Variants in CSMD1 observed in about 807,000 individuals in gnomAD.
The protein encoded by CSMD1 is CUB and Sushi multiple domains 1, also known as CUB and sushi domain-containing protein 1.
In CSMD1, 213 loss-of-function variants were observed where a neutral mutation model predicts 417.5. That is an observed-to-expected ratio of 0.51 (90% CI 0.46 to 0.57). CSMD1 has a LOEUF of 0.57. CSMD1 is among the 20% of genes least tolerant of loss of function. CSMD1 has a pLI of 0.00. For missense variants in CSMD1, 6,923 were observed against 4,529.7 expected (o/e 1.53, Z -15.17); for synonymous variants, 2,862 against 1,736.8 (o/e 1.65, Z -16.11).
chr8:4,220,597 G>C (rs751456688), intron 3 of CSMD1, among the ~76,000 whole-genome samples: 1 of 152,168 alleles, frequency 6.6e-6, no homozygotes, highest in Admixed American at 6.5e-5. Flanking sequence ...GAGTGATAAG[G>C]GTCCATGTGA....
At chr8:3,436,759 T>G (rs969601188) in intron 12 of CSMD1, among the ~76,000 whole-genome samples, 4 of 152,120 alleles carry the variant, frequency 2.6e-5, no homozygotes, top group African/African-American at 9.7e-5. Context: ...TTTTTAGGAG[T>G]AAGGCTTAAA....
At chr8:3,563,930 C>T (rs529475657) in intron 10 of CSMD1, among the ~76,000 whole-genome samples, 2 of 152,120 alleles carry the variant, frequency 1.3e-5, no homozygotes, top group South Asian at 4.2e-4. Flanking sequence ...TATTTTTAAA[C>T]CTATTTTTCA....
chr8:4,588,846 G>A (rs531899650), intron 2 of CSMD1, among the ~76,000 whole-genome samples: 93 of 151,738 alleles, frequency 6.1e-4, no homozygotes, highest in African/African-American at 2.2e-3. Flanking sequence ...TTCACAGGCT[G>A]CTGCTCAAGC....
At chr8:3,024,203 A>C (rs1357815714) in intron 51 of CSMD1, among the ~76,000 whole-genome samples, 2 of 151,946 alleles carry the variant, frequency 1.3e-5, no homozygotes, top group Admixed American at 6.6e-5. Context: ...GCATAGAATG[A>C]AATAAAAATG....
intron 4 of CSMD1, among the ~76,000 whole-genome samples, chr8:4,026,529 A>C (rs1797074039): frequency 6.6e-6 from 1 of 152,230 alleles, no homozygotes; most frequent in South Asian, 2.1e-4. Context: ...GCAAAAAAGC[A>C]ATAAACAATG....
chr8:3,482,739 A>T (rs1817818971), intron 11 of CSMD1, among the ~76,000 whole-genome samples: 1 of 152,216 alleles, frequency 6.6e-6, no homozygotes, highest in South Asian at 2.1e-4. Flanking sequence ...CAGATAATAG[A>T]TCTTGACATA....
At chr8:4,120,833 G>C (rs1011033470) in intron 3 of CSMD1, among the ~76,000 whole-genome samples, 1 of 152,146 alleles carries the variant, frequency 6.6e-6, no homozygotes, top group African/African-American at 2.4e-5. Context: ...CAAAACAAAG[G>C]AGGGAGAAGT....
chr8:4,181,499 A>T (rs953393439), intron 3 of CSMD1, among the ~76,000 whole-genome samples: 3 of 152,128 alleles, frequency 2.0e-5, no homozygotes, highest in Non-Finnish European at 4.4e-5. Context: ...GATGAGCTTT[A>T]AAAAAATCAC....
intron 10 of CSMD1, among the ~76,000 whole-genome samples, chr8:3,552,183 G>C (rs891096129): frequency 8.5e-5 from 13 of 152,148 alleles, no homozygotes; most frequent in Admixed American, 7.2e-4. Flanking sequence ...TGCACAAACA[G>C]AGTACTGTCT....
rs531459191 is a variant in CSMD1 at position 4,361,710 on chromosome 8, C to A, written c.415+58243G>T. Among the ~76,000 whole-genome samples the A allele has an allele frequency of 3.3e-5, 5 of 151,840 alleles. No individual in the cohort carries two copies. The South Asian group carries it at 1.0e-3, about 31-fold the overall frequency. On this transcript the variant is annotated intron_variant, in intron 3 of 69. Transcript: ENST00000635120. ...TTGGCTCACGCCTGTAATCCCAACA[C>A]TTTGGGAGGCCGAAGTGGGCGGATC...
intron 23 of CSMD1, among the ~76,000 whole-genome samples, chr8:3,329,916 A>G (rs73171172): frequency 0.14 from 20,601 of 152,220 alleles, 1,802 homozygotes; most frequent in African/African-American, 0.25. Context: ...AATCAGAAGA[A>G]AAAAGTAAAT....
intron 4 of CSMD1, among the ~76,000 whole-genome samples, chr8:4,015,651 G>C (rs1236313236): frequency 1.3e-5 from 1 of 79,064 alleles, no homozygotes; most frequent in East Asian, 3.5e-4. Context: ...ATAAAAATCA[G>C]TTTGAATCTT....
rs749694567 is a variant in CSMD1, at chr8:4,741,267, G to C, written c.86-103709C>G. On this transcript the variant is annotated intron_variant, in intron 1 of 69. Coordinates refer to ENST00000635120, the MANE Select transcript of CSMD1 (RefSeq NM_033225.6). The stretch of plus-strand genomic sequence containing the variant: ...ATTAGGCTTAAAGAAGAGCATCTTT[G>C]TGAAAATTTATTATATCACAATGAA... Among the ~76,000 whole-genome samples, 47 of 152,122 alleles carry C rather than the reference G, an allele frequency of 3.1e-4. 1 individual carries two copies. The highest frequency in any genetic ancestry group is 2.6e-4 in the Admixed American group (4 of 15,272).
chr8:4,536,517 T>G (rs1797110203), intron 2 of CSMD1, among the ~76,000 whole-genome samples: 1 of 152,212 alleles, frequency 6.6e-6, no homozygotes, highest in Non-Finnish European at 1.5e-5. Context: ...AAATCTCACA[T>G]GTCATGATAT....
At chr8:3,310,699 G>C (rs1182049471) in intron 23 of CSMD1, among the ~76,000 whole-genome samples, 1 of 152,078 alleles carries the variant, frequency 6.6e-6, no homozygotes, top group African/African-American at 2.4e-5. Flanking sequence ...TCTTTTTGAG[G>C]GGTGAGGGCC....
intron 17 of CSMD1, among the ~76,000 whole-genome samples, chr8:3,390,452 A>C (rs1480313603): frequency 6.6e-6 from 1 of 151,680 alleles, no homozygotes; most frequent in African/African-American, 2.4e-5. Context: ...GTCTGTGGAC[A>C]CAGGTAGCCA....
chr8:4,511,148 G>C (rs1464649244), intron 2 of CSMD1, among the ~76,000 whole-genome samples: 3 of 152,096 alleles, frequency 2.0e-5, no homozygotes, highest in African/African-American at 2.4e-5. Context: ...GTTCCCAAGA[G>C]TTTGTTAATT....
At position 3,433,670 on chromosome 8, in the gene CSMD1, T is replaced by G. The variant is rs1218651103; in HGVS notation, c.1562-24065A>C. Among the ~76,000 whole-genome samples, 4 of 152,320 alleles carry G rather than the reference T, an allele frequency of 2.6e-5. No individual in the cohort carries two copies. In the East Asian group the frequency reaches 7.7e-4, roughly 29 times the overall value. On this transcript the variant is annotated intron_variant, in intron 12 of 69. Coordinates refer to ENST00000635120, the MANE Select transcript of CSMD1 (RefSeq NM_033225.6). ...TTAGCGCCCAACATTGGTGAGATGCTTCTCTCTTAGTGGAAAGTGACAGAA... is the reference window on the plus strand; with the variant it reads ...TTAGCGCCCAACATTGGTGAGATGCGTCTCTCTTAGTGGAAAGTGACAGAA...
At chr8:3,617,892 AT>A (rs1365945807) in intron 7 of CSMD1, among the ~76,000 whole-genome samples, 1 of 152,232 alleles carries the variant, frequency 6.6e-6, no homozygotes, top group Non-Finnish European at 1.5e-5. Flanking sequence ...TTTCTCACAA[AT>A]ATTTTAAATA....
Sources: gnomAD v4.1 joint callset for allele counts (sites outside exome capture counted in the v4.1 genomes callset) on GRCh38, gnomAD v4.1.1 for gene constraint, MANE v1.5 for transcripts, NCBI Gene and HGNC (gene_info 2026-07-23, HGNC 2026-07-21) for gene names.